MYO16: variants seen among roughly 807,000 people sequenced by gnomAD.
The protein encoded by MYO16 is unconventional myosin-XVI.
Under a neutral mutation model 205.3 loss-of-function variants are expected in MYO16, and 94 were observed. That is an observed-to-expected ratio of 0.46 (90% CI 0.39 to 0.54). The LOEUF (loss-of-function observed/expected upper bound fraction) is 0.54. Among genes scored for constraint, MYO16 ranks in the 20% least tolerant of loss-of-function variants. The pLI is 0.00. For missense variants in MYO16, 2,315 were observed against 2,387.5 expected (o/e 0.97, Z 0.63); for synonymous variants, 988 against 954.0 (o/e 1.04, Z -0.66).
intron 33 of MYO16, among the ~76,000 whole-genome samples, chr13:109,170,470 G>T (rs1362130525): frequency 6.6e-6 from 1 of 151,994 alleles, no homozygotes; most frequent in Non-Finnish European, 1.5e-5. Flanking sequence ...GATGACTACA[G>T]GAGCTTCCGC....
chr13:108,767,544 T>C (rs2139669051), intron 4 of MYO16, among the ~76,000 whole-genome samples: 1 of 152,340 alleles, frequency 6.6e-6, no homozygotes, highest in South Asian at 2.1e-4. Context: ...GCACTAGAAA[T>C]TGTTAACATG....
chr13:108,641,010 G>A (rs16972864), intron 1 of MYO16, among the ~76,000 whole-genome samples: 10,360 of 152,174 alleles, frequency 0.068, 567 homozygotes, highest in African/African-American at 0.15. Context: ...TCATACTGTG[G>A]AGTCCATTGA....
Position 108,781,792 on chromosome 13 carries a change from T to A in MYO16, c.508-3843T>A, listed in dbSNP as rs60009240. Among the ~76,000 whole-genome samples the A allele has an allele frequency of 6.4e-3, 982 of 152,288 alleles. 8 individuals carry two copies. Among genetic ancestry groups the A allele is most frequent in the African/African-American group, 0.022 (921 of 41,552 alleles). ...GGGGCCGGTCTTTCCTGTGCTGGTC[T>A]CATGATAGTGAAGAAGTCTCATGAG... On this transcript the variant is annotated intron_variant, in intron 4 of 34. Coordinates refer to ENST00000457511, the MANE Select transcript of MYO16 (RefSeq NM_001198950.3).
At chr13:109,008,851 C>G (rs1293678833) in intron 21 of MYO16, 46 bp from the exon 22 acceptor site, 3 of 1,556,830 alleles carry the variant, frequency 1.9e-6, no homozygotes, top group Non-Finnish European at 2.6e-6. Context: ...TGTGTATGCA[C>G]TACTGTACTA....
chr13:108,986,037 A>G (rs113046099), intron 20 of MYO16, among the ~76,000 whole-genome samples: 4,295 of 152,270 alleles, frequency 0.028, 222 homozygotes, highest in African/African-American at 0.098. Flanking sequence ...GCAGAGGCAC[A>G]TCTTACATGG....
intron 16 of MYO16, among the ~76,000 whole-genome samples, chr13:108,943,252 C>T (rs1298622803): frequency 2.0e-5 from 3 of 152,166 alleles, no homozygotes; most frequent in African/African-American, 4.8e-5. Context: ...TAACTTGCTG[C>T]TTTAACTACA....
intron 32 of MYO16, among the ~76,000 whole-genome samples, chr13:109,157,922 C>T (rs1250543849): frequency 6.6e-6 from 1 of 152,180 alleles, no homozygotes; most frequent in Non-Finnish European, 1.5e-5. Flanking sequence ...TCCATAACCC[C>T]TCTAAAATGT....
intron 4 of MYO16, among the ~76,000 whole-genome samples, chr13:108,769,036 A>T (rs1219783792): frequency 6.6e-6 from 1 of 152,210 alleles, no homozygotes; most frequent in East Asian, 1.9e-4. Context: ...GTATTTATTC[A>T]CTTACAGTTA....
At chr13:109,032,083 C>A (rs961824978) in intron 23 of MYO16, among the ~76,000 whole-genome samples, 3 of 152,084 alleles carry the variant, frequency 2.0e-5, no homozygotes, top group African/African-American at 7.2e-5. Flanking sequence ...CTTTTCTGGG[C>A]GTCTTAGGGG....
chr13:109,206,671 G>C lies in MYO16; in HGVS notation c.5478G>C (p.Trp1826Cys). Residue 1826 changes from tryptophan to cysteine, a missense_variant, in exon 35 of 35, where the codon TGG (tryptophan) becomes TGC (cysteine). Around this residue, in one of 3 missense-constraint regions of MYO16, gnomAD observed 1,097 missense variants for 1,092.0 expected, o/e 1.00. Transcript: ENST00000457511. ...TGGCCCTGCAGGAACTCTTGGACTG[G>C]AGGAGAAAGCTCTGTGAGGAAGGAC... ...ESVALQELLD[W>C]RRKLCEEGQD... 6.2e-7 allele frequency: 1 copy of C among 1,614,148 alleles called. No homozygotes were observed. The highest frequency in any genetic ancestry group is 8.5e-7 in the Non-Finnish European group (1 of 1,180,014).
the MYO16 span, among the ~76,000 whole-genome samples, chr13:108,496,504 T>C: frequency 6.6e-6 from 1 of 152,078 alleles, no homozygotes; most frequent in South Asian, 2.1e-4. Flanking sequence ...GTCAGCTCCA[T>C]TGTCTCAGAG....
At chr13:109,175,684 G>A (rs1450787863) in intron 33 of MYO16, among the ~76,000 whole-genome samples, 1 of 152,142 alleles carries the variant, frequency 6.6e-6, no homozygotes, top group Non-Finnish European at 1.5e-5. Flanking sequence ...TCCAAGCCTG[G>A]TCTGGGGAGA....
chr13:109,181,095 T>G (rs2139919334), intron 34 of MYO16, among the ~76,000 whole-genome samples: 1 of 152,370 alleles, frequency 6.6e-6, no homozygotes. Context: ...TAGGGTGCTT[T>G]GTGACTTTTC....
intron 33 of MYO16, among the ~76,000 whole-genome samples, chr13:109,179,220 C>G (rs1879350390): frequency 6.6e-6 from 1 of 152,176 alleles, no homozygotes; most frequent in Non-Finnish European, 1.5e-5. Context: ...ACCCCGTATG[C>G]TTCTTCAAAC....
chr13:108,974,993 G>A (rs1441405692), intron 20 of MYO16, among the ~76,000 whole-genome samples: 3 of 152,102 alleles, frequency 2.0e-5, no homozygotes, highest in Non-Finnish European at 2.9e-5. Flanking sequence ...ACTTTACCTA[G>A]CATCTCATGA....
At chr13:109,070,752 C>G (rs1887899018) in intron 27 of MYO16, among the ~76,000 whole-genome samples, 1 of 152,246 alleles carries the variant, frequency 6.6e-6, no homozygotes, top group East Asian at 1.9e-4. Context: ...ATTGTTCTTT[C>G]TTAGGTCTTT....
intron 33 of MYO16, among the ~76,000 whole-genome samples, chr13:109,167,822 A>G (rs752972728): frequency 1.3e-5 from 2 of 152,190 alleles, no homozygotes; most frequent in Non-Finnish European, 2.9e-5. Flanking sequence ...AACATGCTCA[A>G]ATAAAATAAC....
rs114446156 is a variant in MYO16, at chr13:108,905,200, G to A, written c.1778-4803G>A. Among the ~76,000 whole-genome samples the A allele has an allele frequency of 8.9e-3, 1,348 of 152,200 alleles. 17 individuals carry two copies. The highest frequency in any genetic ancestry group is 0.03 in the African/African-American group (1,257 of 41,534). Reference sequence around the variant, plus strand: ...GTTGGCCATCGGTTTGTAAACTCAGGTGAATAGGTGAATGTCACTGATTCT... The same window carrying A: ...GTTGGCCATCGGTTTGTAAACTCAGATGAATAGGTGAATGTCACTGATTCT... On this transcript the variant is annotated intron_variant, in intron 15 of 34. Transcript: ENST00000457511.
At chr13:109,088,709 T>G (rs777334031) in intron 27 of MYO16, among the ~76,000 whole-genome samples, 6 of 152,234 alleles carry the variant, frequency 3.9e-5, no homozygotes, top group Non-Finnish European at 7.3e-5. Flanking sequence ...CGGGCCGCAG[T>G]CCTTCATGCT....
Sources: allele counts gnomAD v4.1 joint callset (sites outside exome capture counted in the v4.1 genomes callset), GRCh38; gene constraint gnomAD v4.1.1; regional missense constraint gnomAD v4.1.1; transcripts MANE v1.5; gene names NCBI Gene and HGNC (gene_info 2026-07-23, HGNC 2026-07-21).